Variants in RHPN1 observed in about 807,000 individuals in gnomAD.
RHPN1 encodes rhophilin-1.
Under a neutral mutation model 74.7 loss-of-function variants are expected in RHPN1, and 77 were observed. That is an observed-to-expected ratio of 1.03 (90% CI 0.86 to 1.25). RHPN1 has a LOEUF of 1.25. Ranked by LOEUF, RHPN1 falls within the 50% of genes most tolerant of loss-of-function variation. RHPN1 has a pLI of 0.00. For missense variants in RHPN1, 987 were observed against 932.2 expected, an observed-to-expected ratio of 1.06 and a Z score of -0.77; for synonymous variants, 444 against 414.5, an observed-to-expected ratio of 1.07 and a Z score of -0.87.
chr8:143,378,356 T>TCGGGGGG lies in RHPN1; in HGVS notation c.459+11_459+12insGGGGGGC. 1.3e-6 allele frequency: 2 copies of TCGGGGGG among 1,525,430 alleles called. No individual in the cohort carries two copies. Among genetic ancestry groups the TCGGGGGG allele is most frequent in the African/African-American group, 1.4e-5 (1 of 69,698 alleles). 94.5% of individuals were successfully genotyped at this position (1,525,430 alleles called of 1,614,324 possible). ...GGAGGCCCTGCGGCAGGTGTGTGGT[T>TCGGGGGG]CCCCCGCCCACCCACCCTCCTGCAG... On this transcript the variant is annotated intron_variant, in intron 5 of 14. Transcript: ENST00000289013.
Position 143,379,083 on chromosome 8 carries a change from G to A in RHPN1, c.751+5G>A. The A allele has an allele frequency of 6.7e-7, 1 of 1,488,190 alleles. No individual in the cohort carries two copies. The highest frequency in any genetic ancestry group is 8.9e-7 in the Non-Finnish European group (1 of 1,121,774). 92.2% of individuals were successfully genotyped at this position (1,488,190 alleles called of 1,614,324 possible). ...AGGCCTTCCAGAGGGCCGCTGGTGA[G>A]GGCGGCCCGGGCCGCGGTGGGGCAC... On this transcript the variant is annotated splice_donor_5th_base_variant and intron_variant, in intron 7 of 14. Transcript: ENST00000289013.
Position 143,381,764 on chromosome 8 carries a change from C to T in RHPN1, c.1636-43C>T, listed in dbSNP as rs1033558304. 2.4e-5 allele frequency: 38 copies of T among 1,605,910 alleles called. 1 individual carries two copies. Among genetic ancestry groups the T allele is most frequent in the Non-Finnish European group, 3.1e-5 (37 of 1,176,812 alleles). On this transcript the variant is annotated intron_variant, in intron 13 of 14. Coordinates refer to ENST00000289013, the MANE Select transcript of RHPN1 (RefSeq NM_052924.3). ...CTGAGGCTGAGTCCTTGGTGCCAGC[C>T]AGGGTGTCCTGTCCCCACCTCACCG... is the stretch of plus-strand genomic sequence containing the variant.
chr8:143,374,427 C>A, intron 1 of RHPN1: 2 of 662,348 alleles, frequency 3.0e-6, no homozygotes, highest in Non-Finnish European at 3.7e-6. Flanking sequence ...TGCTGACTGG[C>A]AGAAATGGCC....
rs374426571 is a variant in RHPN1, at chr8:143,380,709, G to A, written c.1337G>A (p.Arg446His). ...GCTGTGATCTCCCAGACGCTGCAGCGCTCACTGGCCAAGTATGCGGAGCTC... is the reference window on the plus strand; with the variant it reads ...GCTGTGATCTCCCAGACGCTGCAGCACTCACTGGCCAAGTATGCGGAGCTC... ...LRAVISQTLQ[R>H]SLAKYAELDR... Residue 446 changes from arginine to histidine, a missense_variant, in exon 11 of 15, where the codon CGC (arginine) becomes CAC (histidine). Arg to His is a conservative substitution (Grantham distance 29). Transcript: ENST00000289013. The A allele has an allele frequency of 5.9e-5, 94 of 1,591,700 alleles. No individual in the cohort carries two copies. The highest frequency in any genetic ancestry group is 8.1e-5 in the African/African-American group (6 of 74,512).
At position 143,379,400 on chromosome 8, in the gene RHPN1, C is replaced by T. The variant is rs970892907; in HGVS notation, c.837C>T (p.Leu279=). ...SAASLCALEQ[L]MMAQAQECVF... is the part of the protein sequence containing the mutation. ...CGTCCCTCTGCGCACTGGAGCAGCT[C>T]ATGATGGCCCAGGCCCAGGAATGTG... Residue 279 remains leucine, a synonymous_variant, in exon 8 of 15, where the codon CTC becomes CTT. Coordinates refer to ENST00000289013, the MANE Select transcript of RHPN1 (RefSeq NM_052924.3). 4 of 1,592,636 alleles carry T rather than the reference C, an allele frequency of 2.5e-6. No homozygotes were observed. Among genetic ancestry groups the T allele is most frequent in the Admixed American group, 1.7e-5 (1 of 57,694 alleles).
intron 1 of RHPN1, among the ~76,000 whole-genome samples, chr8:143,371,772 T>G (rs891063230): frequency 6.6e-6 from 1 of 152,152 alleles, no homozygotes; most frequent in Non-Finnish European, 1.5e-5. Context: ...ATGGCCACAG[T>G]GGGGTGTCAG....
chr8:143,382,850 A>C lies in RHPN1; in HGVS notation c.*199A>C, dbSNP rs1417827463. The C allele has an allele frequency of 8.5e-6, 5 of 591,162 alleles. No individual in the cohort carries two copies. The highest frequency in any genetic ancestry group is 1.2e-5 in the Non-Finnish European group (4 of 332,492). The allele number at this position is 591,162 out of a possible 1,614,324, so 36.6% of individuals were successfully genotyped here. ...GGAGCTGTGGCCTCTTCACCCACAC[A>C]CAGAAGGATGCCAGTCCCTCTGTCG... On this transcript the variant is annotated 3_prime_UTR_variant, in exon 15 of 15. Coordinates refer to ENST00000289013, the MANE Select transcript of RHPN1 (RefSeq NM_052924.3).
At chr8:143,377,567 C>A in intron 4 of RHPN1, 112 bp downstream of exon 4, 1 of 722,708 alleles carries the variant, frequency 1.4e-6, no homozygotes, top group South Asian at 1.9e-5. Context: ...AACTGAGGCC[C>A]AGAGGGAGGG....
intron 3 of RHPN1, among the ~76,000 whole-genome samples, chr8:143,376,986 G>A (rs185928341): frequency 6.6e-6 from 1 of 151,468 alleles, no homozygotes; most frequent in East Asian, 1.9e-4. Context: ...GCGTGTGCAT[G>A]TCTGCGTGTA....
At chr8:143,381,226 T>C (rs924132441) in intron 11 of RHPN1, 42 bp from the exon 12 acceptor site, 20 of 1,558,068 alleles carry the variant, frequency 1.3e-5, no homozygotes, top group Non-Finnish European at 1.6e-5. Flanking sequence ...GAGGCAGGTC[T>C]CCACAGTCTC....
intron 1 of RHPN1, among the ~76,000 whole-genome samples, chr8:143,372,395 C>T (rs765038383): frequency 1.4e-4 from 21 of 152,274 alleles, no homozygotes; most frequent in Non-Finnish European, 2.6e-4. Flanking sequence ...CTCTCCAGCC[C>T]GAGTCCCTGA....
At chr8:143,381,419 C>T in intron 12 of RHPN1, 75 bp downstream of exon 12, 2 of 1,475,280 alleles carry the variant, frequency 1.4e-6, no homozygotes, top group South Asian at 1.3e-5. Flanking sequence ...CACATGGCCT[C>T]AGACAGGCCA....
intron 2 of RHPN1, among the ~76,000 whole-genome samples, chr8:143,376,135 C>G (rs915036247): frequency 1.3e-5 from 2 of 152,222 alleles, no homozygotes; most frequent in Non-Finnish European, 2.9e-5. Context: ...CTGGCCTTCC[C>G]TGGGGACCTC....
At chr8:143,379,725 A>T in intron 8 of RHPN1, 104 bp from the exon 9 acceptor site, 1 of 1,468,332 alleles carries the variant, frequency 6.8e-7, no homozygotes, top group East Asian at 2.5e-5. Context: ...GGTGCCAGGG[A>T]GGCTGCTGGG....
chr8:143,376,408 TC>T, intron 2 of RHPN1, 116 bp from the exon 3 acceptor site: 1 of 1,446,462 alleles, frequency 6.9e-7, no homozygotes. Context: ...GTCAGCGACG[TC>T]CTCTGCAGGG....
At chr8:143,379,282 G>T (rs1365914537) in intron 7 of RHPN1, 33 bp from the exon 8 acceptor site, 2 of 1,538,610 alleles carry the variant, frequency 1.3e-6, no homozygotes, top group Non-Finnish European at 1.8e-6. Context: ...CAGGTACAGG[G>T]CCCTGCCTGT....
rs756671090 is a variant in RHPN1 at position 143,379,823 on chromosome 8, C to T, written c.946-6C>T. The T allele has an allele frequency of 2.4e-5, 38 of 1,605,090 alleles. No homozygotes were observed. The highest frequency in any genetic ancestry group is 3.1e-5 in the Non-Finnish European group (36 of 1,176,022). On this transcript the variant is annotated splice_region_variant and splice_polypyrimidine_tract_variant and intron_variant, in intron 8 of 14. Coordinates refer to ENST00000289013, the MANE Select transcript of RHPN1 (RefSeq NM_052924.3). Reference sequence around the variant, plus strand: ...GCCCTCGCGTGCCTGCCACATCCACCGGCAGGTGGCAGCCGAGTACAGGCT... The same window carrying T: ...GCCCTCGCGTGCCTGCCACATCCACTGGCAGGTGGCAGCCGAGTACAGGCT...
intron 3 of RHPN1, 135 bp from the exon 4 acceptor site, chr8:143,377,245 C>T: frequency 1.5e-6 from 1 of 653,012 alleles, no homozygotes; most frequent in South Asian, 1.9e-5. Context: ...AGGATGCCCC[C>T]CAGGACACAG....
intron 1 of RHPN1, among the ~76,000 whole-genome samples, chr8:143,371,789 G>A (rs761952552): frequency 3.9e-5 from 6 of 152,214 alleles, no homozygotes; most frequent in Admixed American, 3.3e-4. Flanking sequence ...TCAGGGCACC[G>A]TGGACGTGGG....
Sources: allele counts gnomAD v4.1 joint callset (sites outside exome capture counted in the v4.1 genomes callset), GRCh38; gene constraint gnomAD v4.1.1; transcripts MANE v1.5; gene names NCBI Gene and HGNC (gene_info 2026-07-23, HGNC 2026-07-21).